RAP1GDS1: variants seen among roughly 807,000 people sequenced by gnomAD.
The protein encoded by RAP1GDS1 is Rap1 GTPase-GDP dissociation stimulator 1, also known as RAP1, GTP-GDP dissociation stimulator 1.
A neutral mutation model predicts 71.1 loss-of-function variants in RAP1GDS1; 35 were observed. The observed-to-expected ratio is 0.49, with a 90% CI of 0.38 to 0.65. The LOEUF is 0.65. Ranked by LOEUF, RAP1GDS1 falls within the 30% of genes least tolerant of loss-of-function variation. RAP1GDS1 has a pLI of 0.00. For synonymous variants in RAP1GDS1, 229 were observed against 243.1 expected (o/e 0.94, Z 0.54); for missense variants, 663 against 706.1 (o/e 0.94, Z 0.69).
chr4:98,423,264 G>A (rs1351601242), intron 12 of RAP1GDS1, among the ~76,000 whole-genome samples: 1 of 152,008 alleles, frequency 6.6e-6, no homozygotes, highest in Non-Finnish European at 1.5e-5. Flanking sequence ...TGAAGGAAAG[G>A]GCCTTTTCAG....
chr4:98,269,782 A>G lies in RAP1GDS1; in HGVS notation c.4+8213A>G, dbSNP rs370727812. The stretch of plus-strand genomic sequence containing the variant: ...ATTTTTGGATTAGGGATGTTAAACC[A>G]GTTAGTATCATGCATGTATTCCAAA... On this transcript the variant is annotated intron_variant, in intron 1 of 14. Transcript: ENST00000408927. 9.8e-5 allele frequency among the ~76,000 whole-genome samples: 15 copies of G among 152,330 alleles called. No homozygotes were observed. In the South Asian group the frequency reaches 1.4e-3, roughly 15 times the overall value.
chr4:98,441,644 G>A, intron 14 of RAP1GDS1: 1 of 974,468 alleles, frequency 1.0e-6, no homozygotes. Context: ...GCTCATGACT[G>A]TCATCCCAGC....
chr4:98,415,325 C>T (rs1309386037), intron 7 of RAP1GDS1, among the ~76,000 whole-genome samples: 1 of 152,176 alleles, frequency 6.6e-6, no homozygotes, highest in East Asian at 1.9e-4. Context: ...TTTTCAAGCA[C>T]ACATGTTCTA....
At chr4:98,324,916 C>A (rs1423791370) in intron 2 of RAP1GDS1, among the ~76,000 whole-genome samples, 1 of 152,118 alleles carries the variant, frequency 6.6e-6, no homozygotes, top group Non-Finnish European at 1.5e-5. Flanking sequence ...CCAAAATTGA[C>A]AAATGGGATC....
At chr4:98,337,764 G>C (rs1734908664) in intron 2 of RAP1GDS1, among the ~76,000 whole-genome samples, 1 of 152,044 alleles carries the variant, frequency 6.6e-6, no homozygotes, top group African/African-American at 2.4e-5. Context: ...TTTCAGAGAG[G>C]GAACATCATG....
intron 1 of RAP1GDS1, among the ~76,000 whole-genome samples, chr4:98,274,258 A>G (rs1251885419): frequency 6.6e-6 from 1 of 151,242 alleles, no homozygotes; most frequent in East Asian, 1.9e-4. Context: ...CTCGAGCTCA[A>G]AAAAATCACA....
At chr4:98,292,128 T>C (rs1288555295) in intron 1 of RAP1GDS1, among the ~76,000 whole-genome samples, 2 of 149,664 alleles carry the variant, frequency 1.3e-5, no homozygotes, top group Admixed American at 1.4e-4. Context: ...TTTTTTTTTT[T>C]CCTTTTTTTT....
intron 13 of RAP1GDS1, among the ~76,000 whole-genome samples, chr4:98,436,631 ATAT>A (rs919780173): frequency 3.3e-5 from 5 of 152,312 alleles, no homozygotes; most frequent in South Asian, 4.1e-4. Flanking sequence ...TGCATAAGGT[ATAT>A]TATTATACCA....
chr4:98,428,763 A>G (rs185126958), intron 12 of RAP1GDS1, among the ~76,000 whole-genome samples: 2 of 152,320 alleles, frequency 1.3e-5, no homozygotes, highest in East Asian at 3.9e-4. Flanking sequence ...TAATACAACC[A>G]CTATGGAAAA....
chr4:98,348,738 T>C (rs529929153), intron 3 of RAP1GDS1, among the ~76,000 whole-genome samples: 73 of 152,344 alleles, frequency 4.8e-4, no homozygotes, highest in Non-Finnish European at 8.7e-4. Flanking sequence ...CATTTTTTCA[T>C]GTGTCTGTTG....
intron 2 of RAP1GDS1, among the ~76,000 whole-genome samples, chr4:98,329,074 G>T (rs1054610360): frequency 1.3e-5 from 2 of 152,164 alleles, no homozygotes; most frequent in African/African-American, 2.4e-5. Context: ...TGATATTTCA[G>T]TCAAAGCCTT....
chr4:98,287,272 A>T (rs1726181848), intron 1 of RAP1GDS1, among the ~76,000 whole-genome samples: 1 of 152,220 alleles, frequency 6.6e-6, no homozygotes. Flanking sequence ...AACTGTATAA[A>T]ATTCTACAAA....
At chr4:98,375,381 T>G (rs186785829) in intron 4 of RAP1GDS1, among the ~76,000 whole-genome samples, 1 of 152,296 alleles carries the variant, frequency 6.6e-6, no homozygotes, top group African/African-American at 2.4e-5. Context: ...TGTGTCCAAA[T>G]AAGGTCACAT....
chr4:98,319,778 CAAAAAAAAAA>C (rs35696332), intron 2 of RAP1GDS1, among the ~76,000 whole-genome samples: 90 of 79,216 alleles, frequency 1.1e-3, no homozygotes, highest in Middle Eastern at 6.6e-3. Context: ...GAGAATGTCT[CAAAAAAAAAA>C]AAAAAAAAAA....
At chr4:98,330,843 A>T (rs1235738862) in intron 2 of RAP1GDS1, among the ~76,000 whole-genome samples, 1 of 151,534 alleles carries the variant, frequency 6.6e-6, no homozygotes, top group African/African-American at 2.4e-5. Context: ...GGCTCCTCAC[A>T]TCCCAGACGA....
intron 4 of RAP1GDS1, 134 bp from the exon 5 acceptor site, chr4:98,378,883 A>C (rs1343826667): frequency 2.4e-6 from 2 of 820,358 alleles, no homozygotes; most frequent in Non-Finnish European, 3.5e-6. Context: ...CTGAAAAGAC[A>C]TATTTAATGT....
chr4:98,436,802 A>T, intron 13 of RAP1GDS1, 138 bp from the exon 14 acceptor site: 1 of 839,234 alleles, frequency 1.2e-6, no homozygotes. Flanking sequence ...TCTGAATTTA[A>T]TATTATTTTT....
Position 98,392,021 on chromosome 4 carries a change from G to C in RAP1GDS1, c.578G>C (p.Cys193Ser). The C allele has an allele frequency of 6.2e-7, 1 of 1,612,300 alleles. No homozygotes were observed. Residue 193 changes from cysteine (C) to serine (S), a missense_variant, in exon 6 of 15, where the codon TGC (cysteine) becomes TCC (serine). Transcript: ENST00000408927. ...PTLVKLLGIH[C>S]QNAALTEMCL... ...TTAGTGAAATTACTGGGCATCCACT[G>C]CCAAAATGCAGCTCTTACAGAAATG...
intron 6 of RAP1GDS1, among the ~76,000 whole-genome samples, chr4:98,394,771 A>G (rs1181159329): frequency 2.0e-5 from 3 of 152,188 alleles, no homozygotes; most frequent in African/African-American, 7.2e-5. Flanking sequence ...AAATATTGGT[A>G]TAACTCTTGC....
Sources: allele counts gnomAD v4.1 joint callset (sites outside exome capture counted in the v4.1 genomes callset), GRCh38; gene constraint gnomAD v4.1.1; transcripts MANE v1.5; gene names NCBI Gene and HGNC (gene_info 2026-07-23, HGNC 2026-07-21).